FAM135A: variants seen among roughly 807,000 people sequenced by gnomAD.
FAM135A encodes the protein family with sequence similarity 135 member A.
FAM135A carries 79 observed loss-of-function variants against 146.8 expected under a neutral mutation model. The observed-to-expected ratio is 0.54, with a 90% CI of 0.45 to 0.65. FAM135A has a LOEUF of 0.65. Ranked by LOEUF, FAM135A falls within the 30% of genes least tolerant of loss-of-function variation. The pLI, the probability that FAM135A is intolerant of heterozygous loss-of-function variation, is 0.00. For missense variants in FAM135A, 1,623 were observed against 1,758.2 expected (o/e 0.92, Z 1.38); for synonymous variants, 562 against 603.6 (o/e 0.93, Z 1.01).
intron 5 of FAM135A, among the ~76,000 whole-genome samples, chr6:70,471,737 A>T (rs935458264): frequency 1.3e-5 from 2 of 152,166 alleles, no homozygotes; most frequent in African/African-American, 4.8e-5. Context: ...TTGCAAATTT[A>T]AAAAAAGAAA....
chr6:70,475,329 C>A, intron 5 of FAM135A, 81 bp from the exon 6 acceptor site: 1 of 1,130,446 alleles, frequency 8.8e-7, no homozygotes, highest in Non-Finnish European at 1.2e-6. Context: ...ATCAAACATA[C>A]AGTATTTTAA....
At chr6:70,497,538 A>G (rs1787564780) in intron 11 of FAM135A, among the ~76,000 whole-genome samples, 1 of 152,144 alleles carries the variant, frequency 6.6e-6, no homozygotes, top group Non-Finnish European at 1.5e-5. Flanking sequence ...ACTATGTTGA[A>G]TAGGAGGGGT....
intron 10 of FAM135A, chr6:70,486,320 G>A: frequency 8.1e-7 from 1 of 1,231,638 alleles, no homozygotes; most frequent in Non-Finnish European, 1.2e-6. Flanking sequence ...ATTAGCATCA[G>A]ATTTCATAAA....
At chr6:70,478,526 C>T (rs1004572861) in intron 8 of FAM135A, among the ~76,000 whole-genome samples, 6 of 152,206 alleles carry the variant, frequency 3.9e-5, no homozygotes, top group Non-Finnish European at 7.4e-5. Context: ...TATGGAAGCC[C>T]AACACAATTT....
At chr6:70,433,608 G>A (rs1161077092) in intron 4 of FAM135A, among the ~76,000 whole-genome samples, 2 of 151,776 alleles carry the variant, frequency 1.3e-5, no homozygotes, top group East Asian at 3.9e-4. Context: ...CCACGCGTTT[G>A]TGGTCAGCTG....
chr6:70,525,812 A>G lies in FAM135A; in HGVS notation c.2728A>G (p.Ile910Val). 1 of 1,613,026 alleles carries G rather than the reference A, an allele frequency of 6.2e-7. No homozygotes were observed. ...SGNLDNETVA[I>V]HSLNSSIKDP... ...GAACTTGGACAATGAAACTGTAGCA[A>G]TACATTCCTTAAATTCAAGCATTAA... The change falls in exon 15 of 22, where the codon ATA becomes GTA. Residue 910 changes from isoleucine to valine, a missense_variant. Physicochemically the swap from Ile to Val is conservative, Grantham distance 29. Transcript: ENST00000418814.
intron 12 of FAM135A, among the ~76,000 whole-genome samples, chr6:70,520,061 A>G (rs957009888): frequency 3.3e-5 from 5 of 152,128 alleles, no homozygotes; most frequent in Non-Finnish European, 7.4e-5. Context: ...GTGATCTTTT[A>G]TAGGGGAATT....
intron 12 of FAM135A, among the ~76,000 whole-genome samples, chr6:70,506,906 G>A (rs963743222): frequency 6.6e-6 from 1 of 151,848 alleles, no homozygotes; most frequent in Admixed American, 6.6e-5. Flanking sequence ...AGGATTAGAG[G>A]CAACTTTATA....
At chr6:70,502,815 A>G in intron 12 of FAM135A, 24 bp downstream of exon 12, 1 of 1,596,854 alleles carries the variant, frequency 6.3e-7, no homozygotes. Flanking sequence ...AAGTGATTTT[A>G]GAGCATTTTA....
intron 3 of FAM135A, 137 bp from the exon 4 acceptor site, chr6:70,428,167 T>C: frequency 8.5e-6 from 4 of 471,530 alleles, no homozygotes; most frequent in Non-Finnish European, 1.5e-5. Context: ...TTGGGTTAGG[T>C]TGTTAAGTAC....
rs1305720708 is a variant in FAM135A, at chr6:70,502,781, A to G, written c.1019A>G (p.His340Arg). ...AGAATATTATTAGCACAAGAGCACC[A>G]TACTTTGAGGGTAAGTTAAAGAGAA... ...ELRILLAQEHHTLRVRRFSEA... is the reference protein window; with the variant it reads ...ELRILLAQEHRTLRVRRFSEA... Residue 340 changes from histidine (H) to arginine (R), a missense_variant, in exon 12 of 22, where the codon CAT becomes CGT. By Grantham distance (29) the His-to-Arg change is conservative. This residue lies in a region of FAM135A where 206 missense variants were observed against 194.7 expected (regional missense o/e 1.06). Coordinates refer to ENST00000418814, the MANE Select transcript of FAM135A (RefSeq NM_001162529.3). 1 of 1,609,562 alleles carries G rather than the reference A, an allele frequency of 6.2e-7. No homozygotes were observed. Among genetic ancestry groups the G allele is most frequent in the East Asian group, 2.2e-5 (1 of 44,760 alleles).
At chr6:70,518,252 A>C (rs906197752) in intron 12 of FAM135A, among the ~76,000 whole-genome samples, 5 of 152,190 alleles carry the variant, frequency 3.3e-5, no homozygotes, top group African/African-American at 1.2e-4. Flanking sequence ...GCCTTAAGTC[A>C]AAGCCTAATC....
At chr6:70,450,720 T>G (rs1340783175) in intron 4 of FAM135A, among the ~76,000 whole-genome samples, 25 of 48,988 alleles carry the variant, frequency 5.1e-4, no homozygotes, top group African/African-American at 3.2e-3. Flanking sequence ...TTAGTTGTTT[T>G]TTTTTTTTTT....
At chr6:70,444,002 A>G (rs1775139230) in intron 4 of FAM135A, among the ~76,000 whole-genome samples, 1 of 152,222 alleles carries the variant, frequency 6.6e-6, no homozygotes, top group African/African-American at 2.4e-5. Context: ...ATTGTTCTGA[A>G]TAACCTAGCC....
At chr6:70,447,664 C>T (rs577429208) in intron 4 of FAM135A, among the ~76,000 whole-genome samples, 18 of 152,320 alleles carry the variant, frequency 1.2e-4, no homozygotes, top group African/African-American at 3.4e-4. Context: ...AGGATGGGCC[C>T]CTCATGGCGT....
intron 10 of FAM135A, among the ~76,000 whole-genome samples, chr6:70,485,863 G>A (rs1784522605): frequency 6.6e-6 from 1 of 152,096 alleles, no homozygotes; most frequent in Non-Finnish European, 1.5e-5. Flanking sequence ...TAGCCTATAT[G>A]AACCCCAATA....
At chr6:70,435,090 T>G (rs1471206752) in intron 4 of FAM135A, among the ~76,000 whole-genome samples, 2 of 102,998 alleles carry the variant, frequency 1.9e-5, no homozygotes, top group African/African-American at 9.0e-5. Context: ...TGTATATATA[T>G]ATATATATAT....
intron 10 of FAM135A, among the ~76,000 whole-genome samples, chr6:70,484,015 T>C (rs990726568): frequency 6.6e-6 from 1 of 152,146 alleles, no homozygotes; most frequent in Non-Finnish European, 1.5e-5. Context: ...AAAGGTGAGA[T>C]TATCCAAAAG....
intron 19 of FAM135A, among the ~76,000 whole-genome samples, chr6:70,537,817 G>C (rs1412453213): frequency 2.0e-5 from 3 of 152,140 alleles, no homozygotes; most frequent in African/African-American, 7.2e-5. Flanking sequence ...ATATTCAGCT[G>C]TTATTAGAAA....
Sources: allele counts gnomAD v4.1 joint callset (sites outside exome capture counted in the v4.1 genomes callset), GRCh38; gene constraint gnomAD v4.1.1; regional missense constraint gnomAD v4.1.1; transcripts MANE v1.5; gene names NCBI Gene and HGNC (gene_info 2026-07-23, HGNC 2026-07-21).